AK4: variants seen among roughly 807,000 people sequenced by gnomAD.
AK4 encodes the protein adenylate kinase 4, mitochondrial.
AK4 carries 13 observed loss-of-function variants against 24.6 expected under a neutral mutation model. The ratio of observed to expected loss-of-function variants is 0.53; its 90% CI spans 0.34 to 0.84. The LOEUF is 0.84. AK4 is among the 40% of genes least tolerant of loss of function. AK4 has a pLI of 0.01. For missense variants in AK4, 192 were observed against 288.2 expected, an observed-to-expected ratio of 0.67 and a Z score of 2.42; for synonymous variants, 88 against 107.0, an observed-to-expected ratio of 0.82 and a Z score of 1.10.
At chr1:65,157,904 C>G (rs1162478087) in intron 1 of AK4, among the ~76,000 whole-genome samples, 1 of 152,124 alleles carries the variant, frequency 6.6e-6, no homozygotes, top group African/African-American at 2.4e-5. Context: ...GAGGCGATTC[C>G]TGAGCTGAGT....
intron 1 of AK4, among the ~76,000 whole-genome samples, chr1:65,174,018 C>T (rs1196111186): frequency 6.6e-6 from 1 of 152,188 alleles, no homozygotes; most frequent in Admixed American, 6.5e-5. Context: ...CAGCCACTGC[C>T]TGCCCCTCCC....
At chr1:65,170,469 A>T (rs1032073034) in intron 1 of AK4, among the ~76,000 whole-genome samples, 2 of 152,218 alleles carry the variant, frequency 1.3e-5, no homozygotes, top group African/African-American at 4.8e-5. Context: ...TCATGTTTCA[A>T]ACACTGCTGG....
chr1:65,170,385 C>CA (rs1170593564), intron 1 of AK4, among the ~76,000 whole-genome samples: 13 of 131,892 alleles, frequency 9.9e-5, no homozygotes, highest in Admixed American at 3.1e-4. Flanking sequence ...CACACACACA[C>CA]ACAAAAAAAA....
intron 3 of AK4, among the ~76,000 whole-genome samples, chr1:65,223,248 G>T (rs1652349652): frequency 6.6e-6 from 1 of 151,904 alleles, no homozygotes; most frequent in African/African-American, 2.4e-5. Context: ...AGGCTGGAGT[G>T]CAGTGACACG....
intron 1 of AK4, 77 bp downstream of exon 1, chr1:65,148,629 C>T: frequency 7.0e-7 from 1 of 1,434,164 alleles, no homozygotes; most frequent in Non-Finnish European, 9.2e-7. Context: ...CTGGGGCTCC[C>T]GGATCACGGC....
chr1:65,154,465 A>C (rs1342733980), intron 1 of AK4: 3 of 509,984 alleles, frequency 5.9e-6, no homozygotes, highest in Non-Finnish European at 1.2e-5. Flanking sequence ...ATCTTGTTGC[A>C]CTCCTGACAG....
At chr1:65,169,697 A>G (rs908357882) in intron 1 of AK4, among the ~76,000 whole-genome samples, 2 of 152,188 alleles carry the variant, frequency 1.3e-5, no homozygotes, top group African/African-American at 4.8e-5. Context: ...CAACATACCA[A>G]AATTTCAAAT....
At chr1:65,150,138 CACACTGT>C (rs1193221256) in intron 1 of AK4, among the ~76,000 whole-genome samples, 8 of 152,290 alleles carry the variant, frequency 5.3e-5, no homozygotes, top group African/African-American at 1.9e-4. Context: ...TGAAGGGCTT[CACACTGT>C]CCATCCTGGG....
At chr1:65,185,562 T>C (rs1005952984) in intron 1 of AK4, among the ~76,000 whole-genome samples, 11 of 152,138 alleles carry the variant, frequency 7.2e-5, no homozygotes, top group African/African-American at 2.7e-4. Context: ...CCTGGTTCAC[T>C]TCTATTCATG....
At chr1:65,215,088 A>G (rs1312157190) in intron 2 of AK4, among the ~76,000 whole-genome samples, 2 of 152,146 alleles carry the variant, frequency 1.3e-5, no homozygotes, top group East Asian at 3.9e-4. Context: ...TCACTCCTAG[A>G]TGTTCTACTC....
At chr1:65,208,176 T>C (rs1210262857) in intron 2 of AK4, among the ~76,000 whole-genome samples, 4 of 152,246 alleles carry the variant, frequency 2.6e-5, no homozygotes, top group Non-Finnish European at 5.9e-5. Flanking sequence ...CCTGTTTCTC[T>C]GCAACCTTGC....
At chr1:65,208,425 C>T (rs1651874414) in intron 2 of AK4, among the ~76,000 whole-genome samples, 2 of 152,174 alleles carry the variant, frequency 1.3e-5, no homozygotes, top group South Asian at 4.1e-4. Context: ...GTGATTTGAA[C>T]TCCTGGGCTA....
intron 1 of AK4, among the ~76,000 whole-genome samples, chr1:65,163,116 G>A (rs891326757): frequency 2.0e-5 from 3 of 152,134 alleles, no homozygotes; most frequent in Admixed American, 6.5e-5. Flanking sequence ...TTTCTCTTGG[G>A]TATATACCTA....
intron 1 of AK4, among the ~76,000 whole-genome samples, chr1:65,168,597 T>A (rs1001912156): frequency 2.0e-5 from 3 of 152,210 alleles, no homozygotes; most frequent in Non-Finnish European, 4.4e-5. Flanking sequence ...TGGCCTGCTC[T>A]CCATATTCTA....
rs931399706 is a variant in AK4 at position 65,177,117 on chromosome 1, C to T, written c.146-13593C>T. On this transcript the variant is annotated intron_variant, in intron 1 of 4. Transcript: ENST00000327299. Reference sequence around the variant, plus strand: ...TTTGAGTAATGTTGGCTACAACTTCCTTTGGTTGAAGACCAACAATAATTG... The same window carrying T: ...TTTGAGTAATGTTGGCTACAACTTCTTTTGGTTGAAGACCAACAATAATTG... Among the ~76,000 whole-genome samples the T allele has an allele frequency of 9.9e-5, 15 of 152,282 alleles. 3 individuals are homozygous for T. Among genetic ancestry groups the T allele is most frequent in the Admixed American group, 2.0e-4 (3 of 15,292 alleles).
At chr1:65,162,629 T>C (rs941218113) in intron 1 of AK4, among the ~76,000 whole-genome samples, 1 of 151,704 alleles carries the variant, frequency 6.6e-6, no homozygotes, top group Non-Finnish European at 1.5e-5. Flanking sequence ...GATCACAAGG[T>C]CAGGATATTG....
chr1:65,221,985 CAGAAG>C (rs997234701), intron 3 of AK4, among the ~76,000 whole-genome samples: 9 of 152,074 alleles, frequency 5.9e-5, no homozygotes, highest in African/African-American at 7.2e-5. Flanking sequence ...GTTTAATAGG[CAGAAG>C]AGAAGAGAAG....
chr1:65,158,480 A>G (rs1052434220), intron 1 of AK4, among the ~76,000 whole-genome samples: 61 of 152,298 alleles, frequency 4.0e-4, no homozygotes, highest in African/African-American at 1.4e-3. Flanking sequence ...TATTTCAACC[A>G]TGTATTTTCC....
intron 1 of AK4, among the ~76,000 whole-genome samples, chr1:65,170,857 G>A (rs1338401279): frequency 2.0e-5 from 3 of 152,082 alleles, no homozygotes; most frequent in African/African-American, 7.2e-5. Context: ...CAAGTGTTAC[G>A]CAAGGCAAAG....
Sources: gnomAD v4.1 joint callset for allele counts (sites outside exome capture counted in the v4.1 genomes callset) on GRCh38, gnomAD v4.1.1 for gene constraint, MANE v1.5 for transcripts, NCBI Gene and HGNC (gene_info 2026-07-23, HGNC 2026-07-21) for gene names.